Variants in PTPN20 observed in about 807,000 individuals in gnomAD.
PTPN20 encodes the protein protein tyrosine phosphatase non-receptor type 20.
A neutral mutation model predicts 35.0 loss-of-function variants in PTPN20; 9 were observed. That is an observed-to-expected ratio of 0.26 (90% CI 0.15 to 0.45). The LOEUF is 0.45. Among genes scored for constraint, PTPN20 ranks in the 20% least tolerant of loss-of-function variants. The pLI is 1.00. For missense variants in PTPN20, 111 were observed against 312.5 expected, an observed-to-expected ratio of 0.36 and a Z score of 4.86; for synonymous variants, 32 against 100.2, an observed-to-expected ratio of 0.32 and a Z score of 4.06.
At position 46,982,887 on chromosome 10, in the gene PTPN20, TG is replaced by T. The variant is rs1361267762; in HGVS notation, c.584-1342del. ...TTATAATTTAGTAATATAACATATTTGTTAGTAAACATAGGTATAAAGTATT... is the reference window on the plus strand; with the variant it reads ...TTATAATTTAGTAATATAACATATTTTTAGTAAACATAGGTATAAAGTATT... On this transcript the variant is annotated intron_variant, in intron 7 of 10. Coordinates refer to ENST00000374339, the MANE Select transcript of PTPN20 (RefSeq NM_001042357.5). Among the ~76,000 whole-genome samples, 18 of 152,268 alleles carry T rather than the reference TG, an allele frequency of 1.2e-4. No homozygotes were observed. The East Asian group carries it at 3.5e-3, about 29-fold the overall frequency.
intron 9 of PTPN20, among the ~76,000 whole-genome samples, chr10:46,999,576 T>C (rs1435919143): frequency 6.6e-6 from 1 of 152,198 alleles, no homozygotes; most frequent in Admixed American, 6.5e-5. Flanking sequence ...TATGCTATTG[T>C]TGGGGCCAGA....
chr10:46,930,945 G>GT (rs1261986624), intron 1 of PTPN20, among the ~76,000 whole-genome samples: 5 of 83,446 alleles, frequency 6.0e-5, no homozygotes, highest in Non-Finnish European at 1.0e-4. Flanking sequence ...TCAAAGCAGA[G>GT]TTTTTTAAAA....
chr10:46,992,501 A>T (rs1459283909), intron 9 of PTPN20, among the ~76,000 whole-genome samples: 7 of 152,108 alleles, frequency 4.6e-5, no homozygotes, highest in African/African-American at 1.7e-4. Context: ...TTCTTTCCTC[A>T]TCTTGGTCTA....
chr10:46,960,634 A>G (rs1589634122), intron 5 of PTPN20, among the ~76,000 whole-genome samples: 1 of 151,916 alleles, frequency 6.6e-6, no homozygotes, highest in East Asian at 1.9e-4. Context: ...AACATATGTT[A>G]TATCTCTGTC....
chr10:47,000,066 C>A, intron 10 of PTPN20, 92 bp downstream of exon 10: 1 of 1,540,406 alleles, frequency 6.5e-7, no homozygotes, highest in East Asian at 2.2e-5. Flanking sequence ...CTTTTATTGA[C>A]ATAATCTCAT....
At chr10:46,998,728 ATAT>A (rs1253695311) in intron 9 of PTPN20, among the ~76,000 whole-genome samples, 1 of 152,200 alleles carries the variant, frequency 6.6e-6, no homozygotes, top group African/African-American at 2.4e-5. Flanking sequence ...CCTGGTTTTG[ATAT>A]TATATCTTGT....
chr10:46,929,977 A>G lies in PTPN20; in HGVS notation c.-123-2400A>G, dbSNP rs571237929. On this transcript the variant is annotated intron_variant, in intron 1 of 10. Coordinates refer to ENST00000374339, the MANE Select transcript of PTPN20 (RefSeq NM_001042357.5). ...TGAATTAAATGTTAATGATTTTAAT[A>G]TTGCTTTGTTTTGTCTATTTTAAGA... Among the ~76,000 whole-genome samples the G allele has an allele frequency of 4.8e-5, 7 of 144,348 alleles. 1 individual carries two copies. Among genetic ancestry groups the G allele is most frequent in the African/African-American group, 2.0e-4 (7 of 35,122 alleles). 94.7% of individuals were successfully genotyped at this position (144,348 alleles called of 152,430 possible).
In PTPN20 at chr10:46,999,635, C is replaced by T. The variant is rs1027077476; in HGVS notation, c.1135-277C>T. ...AATTACAGTGCTGCTTTAAGTTCTG[C>T]CTTTGGATAACAAACAGGGACACAC... On this transcript the variant is annotated intron_variant, in intron 9 of 10. Transcript: ENST00000374339. Among the ~76,000 whole-genome samples the T allele has an allele frequency of 1.8e-3, 278 of 152,290 alleles. 3 individuals are homozygous for T. Among genetic ancestry groups the T allele is most frequent in the Non-Finnish European group, 2.5e-3 (167 of 68,012 alleles).
At chr10:46,951,626 A>G (rs1482228459) in intron 5 of PTPN20, among the ~76,000 whole-genome samples, 2 of 151,834 alleles carry the variant, frequency 1.3e-5, no homozygotes, top group Non-Finnish European at 2.9e-5. Flanking sequence ...GCTAAATATT[A>G]TAGGGGTATA....
chr10:46,935,306 G>GTTTT lies in PTPN20; in HGVS notation c.34+2789_34+2792dup, dbSNP rs71465454. Among the ~76,000 whole-genome samples, 357 of 107,482 alleles carry GTTTT rather than the reference G, an allele frequency of 3.3e-3. 11 individuals are homozygous for GTTTT. The highest frequency in any genetic ancestry group is 0.014 in the African/African-American group (327 of 23,968). 70.5% of individuals were successfully genotyped at this position (107,482 alleles called of 152,430 possible). A position where few individuals can be genotyped will look rare whatever the true frequency, so the allele number is the denominator to read the frequency against. On this transcript the variant is annotated intron_variant, in intron 2 of 10. Transcript: ENST00000374339. Reference sequence around the variant, plus strand: ...GCAGCAAAGGACATGATTTCATTCTGTTTTTTTTTTTTTTTTTTTATTGTT... The same window carrying GTTTT: ...GCAGCAAAGGACATGATTTCATTCTGTTTTTTTTTTTTTTTTTTTTTTTATTGTT...
chr10:46,955,057 CT>C (rs2135139412), intron 5 of PTPN20: 1 of 151,222 alleles, frequency 6.6e-6, no homozygotes, highest in East Asian at 1.9e-4. Flanking sequence ...AGAGGGTGTG[CT>C]TAGATTATAT....
intron 9 of PTPN20, 132 bp from the exon 10 acceptor site, chr10:46,999,780 C>A: frequency 9.2e-7 from 1 of 1,090,840 alleles, no homozygotes; most frequent in Non-Finnish European, 1.4e-6. Context: ...TTAAAAATAG[C>A]ACATTTTCTT....
At chr10:47,000,507 C>T (rs2059917641) in intron 10 of PTPN20, among the ~76,000 whole-genome samples, 169 bp from the exon 11 acceptor site, 1 of 152,138 alleles carries the variant, frequency 6.6e-6, no homozygotes, top group Non-Finnish European at 1.5e-5. Flanking sequence ...TTATCTTCCT[C>T]ATAGTTTTAA....
intron 9 of PTPN20, among the ~76,000 whole-genome samples, chr10:46,997,566 A>G (rs1262280356): frequency 6.6e-6 from 1 of 151,782 alleles, no homozygotes; most frequent in African/African-American, 2.4e-5. Context: ...CTGATCTCAG[A>G]GGGAAAGCAA....
At chr10:46,964,353 A>G (rs1404374865) in intron 5 of PTPN20, among the ~76,000 whole-genome samples, 2 of 98,468 alleles carry the variant, frequency 2.0e-5, no homozygotes, top group Non-Finnish European at 4.0e-5. Flanking sequence ...TTGACTGTCA[A>G]CATTACCTAA....
intron 1 of PTPN20, among the ~76,000 whole-genome samples, chr10:46,925,431 C>T (rs2132602614): frequency 6.8e-6 from 1 of 147,152 alleles, no homozygotes; most frequent in South Asian, 2.2e-4. Flanking sequence ...CTGTGAGGAC[C>T]ACAAAGGAGT....
rs1266304586 is a variant in PTPN20 at position 46,937,950 on chromosome 10, CTTTTTTT to C, written c.35-2664_35-2658del. ...TTTTCTTCTTTTTTCTTTTTCTTTT[CTTTTTTT>C]TTTTTTTTCTTAGACAGAGTCTCAC... On this transcript the variant is annotated intron_variant, in intron 2 of 10. Transcript: ENST00000374339. Among the ~76,000 whole-genome samples, 7 of 127,170 alleles carry C rather than the reference CTTTTTTT, an allele frequency of 5.5e-5. No individual in the cohort carries two copies. In the South Asian group the frequency reaches 1.0e-3, roughly 18 times the overall value. 83.4% of individuals were successfully genotyped at this position (127,170 alleles called of 152,430 possible). A position where few individuals can be genotyped will look rare whatever the true frequency, so the allele number is the denominator to read the frequency against.
At chr10:46,920,375 T>A (rs2034663973) in intron 1 of PTPN20, among the ~76,000 whole-genome samples, 1 of 117,832 alleles carries the variant, frequency 8.5e-6, no homozygotes, top group East Asian at 2.7e-4. Context: ...CAGAGGGTGA[T>A]TTTTAGGGGA....
In PTPN20 at chr10:47,001,197, T is replaced by C. The variant is rs1165854370; in HGVS notation, c.*456T>C. ...CATTTTTAAGACAGATGTCTATTCA[T>C]GTTCTTTAGCTAGAGCCTGTACTTT... is the stretch of plus-strand genomic sequence containing the variant. On this transcript the variant is annotated 3_prime_UTR_variant, in exon 11 of 11. Coordinates refer to ENST00000374339, the MANE Select transcript of PTPN20 (RefSeq NM_001042357.5). 1 of 192,728 alleles carries C rather than the reference T, an allele frequency of 5.2e-6. No individual in the cohort carries two copies. The highest frequency in any genetic ancestry group is 2.4e-5 in the African/African-American group (1 of 41,846). 11.9% of individuals were successfully genotyped at this position (192,728 alleles called of 1,614,324 possible).
Sources: allele counts gnomAD v4.1 joint callset (sites outside exome capture counted in the v4.1 genomes callset), GRCh38; gene constraint gnomAD v4.1.1; transcripts MANE v1.5; gene names NCBI Gene and HGNC (gene_info 2026-07-23, HGNC 2026-07-21).